GALNT17: variants seen among roughly 807,000 people sequenced by gnomAD.
The protein encoded by GALNT17 is polypeptide N-acetylgalactosaminyltransferase 17, also known as UDP-GalNAc:polypeptide N-acetylgalactosaminyltransferase-like 3.
In GALNT17, 29 loss-of-function variants were observed where a neutral mutation model predicts 63.7. The ratio of observed to expected loss-of-function variants is 0.46; its 90% CI spans 0.34 to 0.62. The LOEUF (loss-of-function observed/expected upper bound fraction) is 0.62. Ranked by LOEUF, GALNT17 falls within the 20% of genes least tolerant of loss-of-function variation. GALNT17 has a pLI of 0.01. For synonymous variants in GALNT17, 305 were observed against 318.3 expected, an observed-to-expected ratio of 0.96 and a Z score of 0.45; for missense variants, 603 against 799.6, an observed-to-expected ratio of 0.75 and a Z score of 2.97.
At chr7:71,315,209 T>C (rs1562995371) in intron 1 of GALNT17, among the ~76,000 whole-genome samples, 1 of 152,246 alleles carries the variant, frequency 6.6e-6, no homozygotes, top group Non-Finnish European at 1.5e-5. Flanking sequence ...GTACTTCCTT[T>C]CTTTTTATAG....
At chr7:71,324,350 T>C (rs1334170098) in intron 1 of GALNT17, among the ~76,000 whole-genome samples, 1 of 151,964 alleles carries the variant, frequency 6.6e-6, no homozygotes, top group Non-Finnish European at 1.5e-5. Context: ...TCAGGAGATA[T>C]TCAGAGTTCA....
intron 5 of GALNT17, among the ~76,000 whole-genome samples, chr7:71,557,745 C>T (rs1316265609): frequency 2.6e-5 from 4 of 151,920 alleles, no homozygotes; most frequent in East Asian, 1.9e-4. Flanking sequence ...GAACCGAGAT[C>T]GCGCCACTGC....
chr7:71,153,772 C>G (rs1222276249), intron 1 of GALNT17, among the ~76,000 whole-genome samples: 1 of 151,938 alleles, frequency 6.6e-6, no homozygotes, highest in Non-Finnish European at 1.5e-5. Flanking sequence ...CAAAAATTAG[C>G]CAGTCGTGGT....
At chr7:71,333,082 G>A (rs1207418184) in intron 1 of GALNT17, among the ~76,000 whole-genome samples, 2 of 152,132 alleles carry the variant, frequency 1.3e-5, no homozygotes, top group African/African-American at 4.8e-5. Flanking sequence ...CCATCACCAT[G>A]AGCTAATGCT....
intron 5 of GALNT17, among the ~76,000 whole-genome samples, chr7:71,425,330 C>A (rs1159468376): frequency 5.9e-5 from 9 of 151,574 alleles, no homozygotes; most frequent in Non-Finnish European, 1.0e-4. Flanking sequence ...TCGAGCAATT[C>A]TTCTGCTTCA....
intron 5 of GALNT17, among the ~76,000 whole-genome samples, chr7:71,537,002 T>G (rs1417046232): frequency 1.3e-5 from 2 of 152,180 alleles, no homozygotes; most frequent in Non-Finnish European, 2.9e-5. Flanking sequence ...CCTCCGTTCC[T>G]GCCTCTGTGA....
chr7:71,472,765 G>C (rs1281959907), intron 5 of GALNT17, among the ~76,000 whole-genome samples: 1 of 152,148 alleles, frequency 6.6e-6, no homozygotes, highest in Non-Finnish European at 1.5e-5. Context: ...TTATAACAGT[G>C]TTGCACAATG....
At chr7:71,310,174 C>T (rs916639674) in intron 1 of GALNT17, among the ~76,000 whole-genome samples, 75 of 152,278 alleles carry the variant, frequency 4.9e-4, no homozygotes, top group African/African-American at 1.5e-3. Context: ...ATTGCCCAGT[C>T]TCAGATATGT....
intron 1 of GALNT17, among the ~76,000 whole-genome samples, chr7:71,189,871 C>T (rs1374871486): frequency 2.7e-5 from 4 of 148,854 alleles, no homozygotes; most frequent in East Asian, 2.0e-4. Context: ...AGTGCAATGG[C>T]GTGATCTCAG....
At chr7:71,440,070 G>A (rs1787038004) in intron 5 of GALNT17, among the ~76,000 whole-genome samples, 1 of 149,998 alleles carries the variant, frequency 6.7e-6, no homozygotes, top group African/African-American at 2.5e-5. Context: ...TTAGCCTCCC[G>A]AGCATGCGCC....
intron 9 of GALNT17, among the ~76,000 whole-genome samples, chr7:71,708,132 A>T (rs1435842147): frequency 6.6e-6 from 1 of 152,084 alleles, no homozygotes; most frequent in East Asian, 1.9e-4. Flanking sequence ...CTACCCATGA[A>T]TTTTTTGTTT....
At chr7:71,287,026 C>T (rs991364445) in intron 1 of GALNT17, among the ~76,000 whole-genome samples, 1 of 151,816 alleles carries the variant, frequency 6.6e-6, no homozygotes, top group South Asian at 2.1e-4. Context: ...ACTCCTGGGC[C>T]CAAGTCAAGT....
chr7:71,701,896 CACATATATATATAT>C (rs1448997031), intron 9 of GALNT17, among the ~76,000 whole-genome samples: 46 of 99,834 alleles, frequency 4.6e-4, no homozygotes, highest in East Asian at 2.5e-3. Flanking sequence ...TATATATATA[CACATATATATATAT>C]ACATATATAT....
At chr7:71,332,005 G>C (rs144846242) in intron 1 of GALNT17, among the ~76,000 whole-genome samples, 1 of 152,148 alleles carries the variant, frequency 6.6e-6, no homozygotes, top group Non-Finnish European at 1.5e-5. Context: ...AAAGTCAAGG[G>C]ACCTAGGGCT....
rs113093984 is a variant in GALNT17 at position 71,263,277 on chromosome 7, T to C, written c.239-72273T>C. Reference sequence around the variant, plus strand: ...GGGAGGCTGAGGCAGGAGAATCATTTGAACCCGGGAGGCGGAGGTTGCAGT... The same window carrying C: ...GGGAGGCTGAGGCAGGAGAATCATTCGAACCCGGGAGGCGGAGGTTGCAGT... On this transcript the variant is annotated intron_variant, in intron 1 of 10. Coordinates refer to ENST00000333538, the MANE Select transcript of GALNT17 (RefSeq NM_022479.3). 4.5e-3 allele frequency among the ~76,000 whole-genome samples: 690 copies of C among 152,100 alleles called. 5 individuals are homozygous for C. Among genetic ancestry groups the C allele is most frequent in the African/African-American group, 0.016 (652 of 41,524 alleles).
intron 1 of GALNT17, among the ~76,000 whole-genome samples, chr7:71,212,090 A>T (rs1789391395): frequency 6.6e-6 from 1 of 152,204 alleles, no homozygotes; most frequent in African/African-American, 2.4e-5. Flanking sequence ...CCTTCACAGC[A>T]GCCCCTCCCA....
chr7:71,543,690 G>A (rs1013594789), intron 5 of GALNT17, among the ~76,000 whole-genome samples: 2 of 104,740 alleles, frequency 1.9e-5, no homozygotes, highest in East Asian at 2.3e-4. Flanking sequence ...GAGTTGCAGC[G>A]TTTCAGCAGG....
At chr7:71,508,418 G>A (rs746873278) in intron 5 of GALNT17, among the ~76,000 whole-genome samples, 1 of 152,162 alleles carries the variant, frequency 6.6e-6, no homozygotes, top group Non-Finnish European at 1.5e-5. Flanking sequence ...CTGTGACACT[G>A]TATAATTTCC....
At chr7:71,381,875 C>G (rs898048919) in intron 2 of GALNT17, among the ~76,000 whole-genome samples, 11 of 152,160 alleles carry the variant, frequency 7.2e-5, no homozygotes, top group African/African-American at 2.7e-4. Context: ...GGTCTTGCAG[C>G]CTGCAGTGTC....
Sources: gnomAD v4.1 joint callset for allele counts (sites outside exome capture counted in the v4.1 genomes callset) on GRCh38, gnomAD v4.1.1 for gene constraint, MANE v1.5 for transcripts, NCBI Gene and HGNC (gene_info 2026-07-23, HGNC 2026-07-21) for gene names.